The following TLL1 variants were observed in gnomAD, a reference collection of about 807,000 sequenced individuals.
The protein encoded by TLL1 is tolloid-like protein 1.
TLL1 carries 49 observed loss-of-function variants against 128.2 expected under a neutral mutation model. The ratio of observed to expected loss-of-function variants is 0.38; its 90% CI spans 0.30 to 0.48. The LOEUF (loss-of-function observed/expected upper bound fraction) is 0.48. Ranked by LOEUF, TLL1 falls within the 20% of genes least tolerant of loss-of-function variation. The probability of loss-of-function intolerance (pLI) is 0.96; values close to 1 mark genes in which losing one functional copy is unlikely to be tolerated. For missense variants in TLL1, 1,123 were observed against 1,242.0 expected, an observed-to-expected ratio of 0.90 and a Z score of 1.44; for synonymous variants, 454 against 418.8, an observed-to-expected ratio of 1.08 and a Z score of -1.03.
chr4:165,907,858 C>G (rs1359968732), intron 1 of TLL1, among the ~76,000 whole-genome samples: 2 of 152,104 alleles, frequency 1.3e-5, no homozygotes, highest in African/African-American at 4.8e-5. Context: ...TTGTAAGACA[C>G]TTTTATAAAC....
At position 166,044,503 on chromosome 4, in the gene TLL1, C is replaced by T. The variant is rs983793792; in HGVS notation, c.1524+1084C>T. On this transcript the variant is annotated intron_variant, in intron 12 of 20. Transcript: ENST00000061240. ...ACCATTTAACTTCCCAGATGTATTT[C>T]CTTTTGTTACCAAAAAAATATATAC... The T allele has an allele frequency of 9.1e-5, 113 of 1,237,634 alleles. 1 individual carries two copies. The highest frequency in any genetic ancestry group is 6.1e-4 in the Middle Eastern group (3 of 4,886). 76.7% of individuals were successfully genotyped at this position (1,237,634 alleles called of 1,614,324 possible).
At chr4:165,994,005 A>G (rs1736753902) in intron 3 of TLL1, among the ~76,000 whole-genome samples, 1 of 152,154 alleles carries the variant, frequency 6.6e-6, no homozygotes, top group Non-Finnish European at 1.5e-5. Flanking sequence ...CTTAAATATC[A>G]TGGGACTTTA....
At chr4:166,057,928 C>G (rs1466622685) in intron 14 of TLL1, among the ~76,000 whole-genome samples, 1 of 152,288 alleles carries the variant, frequency 6.6e-6, no homozygotes, top group Non-Finnish European at 1.5e-5. Flanking sequence ...GGTGGGGACA[C>G]AGCCAAACCA....
chr4:165,998,523 G>T (rs1429460065), intron 5 of TLL1, among the ~76,000 whole-genome samples: 1 of 152,132 alleles, frequency 6.6e-6, no homozygotes, highest in Non-Finnish European at 1.5e-5. Flanking sequence ...GCCGGACGCG[G>T]TGGCTCATGC....
At chr4:165,896,328 A>G (rs956630323) in intron 1 of TLL1, among the ~76,000 whole-genome samples, 9 of 152,068 alleles carry the variant, frequency 5.9e-5, no homozygotes, top group African/African-American at 2.2e-4. Flanking sequence ...TATCCAGTTG[A>G]TCATTGATGG....
intron 1 of TLL1, among the ~76,000 whole-genome samples, chr4:165,914,308 T>C (rs1302186229): frequency 6.6e-6 from 1 of 152,202 alleles, no homozygotes; most frequent in East Asian, 1.9e-4. Context: ...GTCTTGAACT[T>C]ACTCATGCTA....
chr4:165,958,504 G>A (rs1734927705), intron 1 of TLL1, among the ~76,000 whole-genome samples: 1 of 148,714 alleles, frequency 6.7e-6, no homozygotes, highest in South Asian at 2.1e-4. Context: ...CTGCATAAAT[G>A]TCTTCTTTTG....
intron 1 of TLL1, among the ~76,000 whole-genome samples, chr4:165,895,089 C>T (rs890247250): frequency 1.4e-4 from 21 of 151,946 alleles, no homozygotes; most frequent in African/African-American, 5.1e-4. Flanking sequence ...TTTGTTAAGG[C>T]CTGCTTGCAT....
intron 1 of TLL1, among the ~76,000 whole-genome samples, chr4:165,883,172 T>A (rs978091792): frequency 4.6e-5 from 7 of 152,250 alleles, no homozygotes; most frequent in African/African-American, 1.7e-4. Flanking sequence ...CTATATTAAA[T>A]CTTGTTCTTG....
At chr4:165,976,906 T>C (rs1432345669) in intron 1 of TLL1, among the ~76,000 whole-genome samples, 1 of 152,092 alleles carries the variant, frequency 6.6e-6, no homozygotes, top group African/African-American at 2.4e-5. Flanking sequence ...CATTATGCGG[T>C]TTTTTTGTAT....
chr4:166,047,621 T>C (rs1402648154), intron 12 of TLL1, among the ~76,000 whole-genome samples: 1 of 151,952 alleles, frequency 6.6e-6, no homozygotes, highest in African/African-American at 2.4e-5. Flanking sequence ...TCATTCATGC[T>C]TCTATGTGAA....
chr4:165,979,881 C>T (rs1736070503), intron 1 of TLL1, among the ~76,000 whole-genome samples: 2 of 152,260 alleles, frequency 1.3e-5, no homozygotes. Flanking sequence ...ATATGCTTTT[C>T]TATACAGTTG....
chr4:166,037,917 G>T (rs901799840), intron 9 of TLL1, among the ~76,000 whole-genome samples: 2 of 151,952 alleles, frequency 1.3e-5, no homozygotes, highest in Non-Finnish European at 2.9e-5. Context: ...TACTAGGAAA[G>T]TACATGTTAG....
At chr4:165,906,219 G>A (rs1434634232) in intron 1 of TLL1, among the ~76,000 whole-genome samples, 2 of 152,054 alleles carry the variant, frequency 1.3e-5, no homozygotes, top group African/African-American at 4.8e-5. Context: ...TTATTTTTCG[G>A]CCCTTTAAGA....
intron 10 of TLL1, 121 bp from the exon 11 acceptor site, chr4:166,041,906 T>C: frequency 1.4e-6 from 1 of 696,376 alleles, no homozygotes; most frequent in South Asian, 1.5e-5. Flanking sequence ...GTGGCTGCAA[T>C]CACTTGGAAT....
chr4:165,892,827 C>G (rs1450277064), intron 1 of TLL1, among the ~76,000 whole-genome samples: 1 of 152,120 alleles, frequency 6.6e-6, no homozygotes, highest in Non-Finnish European at 1.5e-5. Flanking sequence ...TATATTGAAG[C>G]CTTTGTATTA....
intron 14 of TLL1, among the ~76,000 whole-genome samples, chr4:166,058,400 T>C (rs1740130798): frequency 6.6e-6 from 1 of 152,200 alleles, no homozygotes; most frequent in East Asian, 1.9e-4. Context: ...TCTAGCACAG[T>C]CAGACATAAA....
intron 7 of TLL1, 22 bp from the exon 8 acceptor site, chr4:166,014,414 G>A: frequency 6.2e-7 from 1 of 1,611,450 alleles, no homozygotes; most frequent in South Asian, 1.1e-5. Flanking sequence ...CTTAGGTGTG[G>A]TTTGCTTCTG....
At chr4:166,100,442 T>A (rs1443866698) in intron 20 of TLL1, among the ~76,000 whole-genome samples, 1 of 152,076 alleles carries the variant, frequency 6.6e-6, no homozygotes, top group Admixed American at 6.6e-5. Flanking sequence ...GGCTTAAAAG[T>A]TTAGGGAAAA....
Sources: allele counts gnomAD v4.1 joint callset (sites outside exome capture counted in the v4.1 genomes callset), GRCh38; gene constraint gnomAD v4.1.1; transcripts MANE v1.5; gene names NCBI Gene and HGNC (gene_info 2026-07-23, HGNC 2026-07-21).